ICA1L: variants seen among roughly 807,000 people sequenced by gnomAD.
The protein encoded by ICA1L is islet cell autoantigen 1-like protein.
Under a neutral mutation model 61.3 loss-of-function variants are expected in ICA1L, and 50 were observed. The ratio of observed to expected loss-of-function variants is 0.82; its 90% CI spans 0.65 to 1.03. The LOEUF is 1.03. Ranked by LOEUF, ICA1L falls within the 50% of genes least tolerant of loss-of-function variation. The pLI is 0.00. For synonymous variants in ICA1L, 161 were observed against 191.3 expected, an observed-to-expected ratio of 0.84 and a Z score of 1.31; for missense variants, 508 against 556.7, an observed-to-expected ratio of 0.91 and a Z score of 0.88.
rs1694565976 is a variant in ICA1L at position 202,849,813 on chromosome 2, C to T, written c.-7-20797G>A. 6.6e-6 allele frequency among the ~76,000 whole-genome samples: 1 copy of T among 152,196 alleles called. No homozygotes were observed. Among genetic ancestry groups the T allele is most frequent in the Non-Finnish European group, 1.5e-5 (1 of 68,028 alleles). ...TGAGCTCTGCTAGGGGACAGACAGCCTCCTCAAGTGGGTCCCAGACCCCCA... is the reference window on the plus strand; with the variant it reads ...TGAGCTCTGCTAGGGGACAGACAGCTTCCTCAAGTGGGTCCCAGACCCCCA... On this transcript the variant is annotated intron_variant, in intron 1 of 12. Coordinates refer to ENST00000358299, the MANE Select transcript of ICA1L (RefSeq NM_001288622.3). The surrounding 1 kb of genome is among the most constrained non-coding windows in gnomAD (Gnocchi z 4.5).
chr2:202,796,912 A>G lies in ICA1L; in HGVS notation c.963T>C (p.Pro321=). 6.3e-7 allele frequency: 1 copy of G among 1,598,514 alleles called. No homozygotes were observed. Among genetic ancestry groups the G allele is most frequent in the African/African-American group, 1.3e-5 (1 of 74,656 alleles). ...KHSQMREFGA[P]QFSNSENVAK... Reference sequence around the variant, plus strand: ...TACCATTTTCAGAGTTAGAAAACTGAGGTGCTCCAAATTCTCTCATTTGAG... The same window carrying G: ...TACCATTTTCAGAGTTAGAAAACTGGGGTGCTCCAAATTCTCTCATTTGAG... The change falls in exon 10 of 13, where the codon CCT becomes CCC. Residue 321 remains proline (P), a synonymous_variant. Transcript: ENST00000358299.
intron 1 of ICA1L, among the ~76,000 whole-genome samples, chr2:202,855,982 A>G (rs1488888033): frequency 1.3e-5 from 2 of 151,290 alleles, no homozygotes; most frequent in Non-Finnish European, 2.9e-5. Context: ...GCTGAGGCAG[A>G]GAACTGGTTG....
At chr2:202,843,657 T>C (rs887348344) in intron 1 of ICA1L, among the ~76,000 whole-genome samples, 2 of 152,202 alleles carry the variant, frequency 1.3e-5, no homozygotes, top group African/African-American at 4.8e-5. Flanking sequence ...GCAGGGATCC[T>C]TGCTGCTGTG....
chr2:202,821,267 C>T, intron 4 of ICA1L, 91 bp downstream of exon 4: 1 of 1,266,758 alleles, frequency 7.9e-7, no homozygotes, highest in Non-Finnish European at 1.1e-6. Flanking sequence ...TTAGAATGAA[C>T]AGTGACCTTT....
chr2:202,788,384 C>T (rs1010087431), intron 11 of ICA1L, among the ~76,000 whole-genome samples: 1 of 152,070 alleles, frequency 6.6e-6, no homozygotes, highest in Non-Finnish European at 1.5e-5. Context: ...GCAAAGTGAC[C>T]CCCAAGGTGC....
intron 3 of ICA1L, 176 bp from the exon 4 acceptor site, chr2:202,821,657 T>TC (rs1468576614): frequency 1.8e-5 from 8 of 456,502 alleles, no homozygotes; most frequent in Non-Finnish European, 3.1e-5. Context: ...GACTCTACTT[T>TC]CCATAGGTCT....
intron 9 of ICA1L, among the ~76,000 whole-genome samples, 198 bp from the exon 10 acceptor site, chr2:202,797,162 G>GTGTGTGTGTGTGTGTA (rs1374435872): frequency 5.5e-5 from 8 of 146,276 alleles, no homozygotes; most frequent in African/African-American, 7.7e-5. Context: ...GTGTGTGTGT[G>GTGTGTGTGTGTGTGTA]TATATGTATA....
At chr2:202,865,164 TA>T (rs964588601) in intron 1 of ICA1L, among the ~76,000 whole-genome samples, 72 of 138,676 alleles carry the variant, frequency 5.2e-4, no homozygotes, top group Non-Finnish European at 5.8e-4. Context: ...CTCTGTCTTT[TA>T]AAAAAAAAAA....
intron 1 of ICA1L, chr2:202,844,354 G>C (rs1694411029): frequency 6.6e-6 from 1 of 150,804 alleles, no homozygotes; most frequent in African/African-American, 2.4e-5. Context: ...ACAGCCAGAG[G>C]GACACAGTGA....
At chr2:202,805,232 G>A (rs756329637) in intron 9 of ICA1L, among the ~76,000 whole-genome samples, 1 of 152,174 alleles carries the variant, frequency 6.6e-6, no homozygotes, top group Admixed American at 6.6e-5. Flanking sequence ...ATGGGCATAA[G>A]AGAGCTTACT....
intron 10 of ICA1L, among the ~76,000 whole-genome samples, chr2:202,794,010 G>C (rs1339951794): frequency 1.3e-5 from 2 of 149,972 alleles, no homozygotes; most frequent in Non-Finnish European, 3.0e-5. Flanking sequence ...AATGCAAAAA[G>C]AGTAGTAAAA....
intron 1 of ICA1L, among the ~76,000 whole-genome samples, chr2:202,867,773 G>A (rs937659636): frequency 3.3e-5 from 5 of 152,152 alleles, no homozygotes; most frequent in East Asian, 1.9e-4. Context: ...TACATTGGTC[G>A]TGGGAATATA....
At chr2:202,847,703 A>ATG in intron 1 of ICA1L, among the ~76,000 whole-genome samples, 1 of 131,260 alleles carries the variant, frequency 7.6e-6, no homozygotes, top group South Asian at 2.3e-4. Context: ...AATTATATAT[A>ATG]TATATAGTTA....
intron 2 of ICA1L, among the ~76,000 whole-genome samples, chr2:202,827,848 G>T (rs1693891236): frequency 6.6e-6 from 1 of 151,954 alleles, no homozygotes; most frequent in Admixed American, 6.6e-5. Context: ...TTTACTTTTT[G>T]CAGGATGAAA....
chr2:202,791,568 C>T (rs551285622), intron 10 of ICA1L, among the ~76,000 whole-genome samples: 1 of 152,344 alleles, frequency 6.6e-6, no homozygotes, highest in South Asian at 2.1e-4. Flanking sequence ...CTAGAATAGC[C>T]AGGCACTGTG....
Position 202,819,481 on chromosome 2 carries a change from A to C in ICA1L, c.558+220T>G, listed in dbSNP as rs190476623. 1.4e-3 allele frequency: 737 copies of C among 518,122 alleles called. 2 individuals carry two copies. The highest frequency in any genetic ancestry group is 2.0e-3 in the Non-Finnish European group (594 of 291,912). 32.1% of individuals were successfully genotyped at this position (518,122 alleles called of 1,614,324 possible). On this transcript the variant is annotated intron_variant, in intron 5 of 12. Coordinates refer to ENST00000358299, the MANE Select transcript of ICA1L (RefSeq NM_001288622.3). Reference sequence around the variant, plus strand: ...TTTAGATCTATCATGAGACAGATTAAAAAATTAATAAAAAAGGTAGATGGT... The same window carrying C: ...TTTAGATCTATCATGAGACAGATTACAAAATTAATAAAAAAGGTAGATGGT...
At chr2:202,850,749 G>A (rs942928450) in intron 1 of ICA1L, among the ~76,000 whole-genome samples, 1 of 152,126 alleles carries the variant, frequency 6.6e-6, no homozygotes, top group Non-Finnish European at 1.5e-5. Flanking sequence ...CCCCAACCTA[G>A]CAAGAAAGGT....
intron 3 of ICA1L, among the ~76,000 whole-genome samples, chr2:202,823,632 A>C (rs965837134): frequency 6.6e-6 from 1 of 152,238 alleles, no homozygotes; most frequent in Admixed American, 6.5e-5. Context: ...TCTTCTGCCT[A>C]TGCAGGCTGT....
At position 202,809,757 on chromosome 2, in the gene ICA1L, C is replaced by T. The variant is rs141292947; in HGVS notation, c.910+1989G>A. ...TGTGCCAAGATTGTGCCATTGCACT[C>T]GAGTCTGGGTGACAGATTGAAATTC... On this transcript the variant is annotated intron_variant, in intron 9 of 12. Coordinates refer to ENST00000358299, the MANE Select transcript of ICA1L (RefSeq NM_001288622.3). Among the ~76,000 whole-genome samples, 123 of 151,818 alleles carry T rather than the reference C, an allele frequency of 8.1e-4. No individual in the cohort carries two copies. In the East Asian group the frequency reaches 0.021, roughly 25 times the overall value.
Sources: allele counts gnomAD v4.1 joint callset (sites outside exome capture counted in the v4.1 genomes callset), GRCh38; gene constraint gnomAD v4.1.1; non-coding constraint Gnocchi (gnomAD v3.1); transcripts MANE v1.5; gene names NCBI Gene and HGNC (gene_info 2026-07-23, HGNC 2026-07-21).